The following BRD10 variants were observed in gnomAD, a reference collection of about 807,000 sequenced individuals.
BRD10 encodes bromodomain containing 10.
the BRD10 span, among the ~76,000 whole-genome samples, chr9:5,934,636 G>A: frequency 6.6e-6 from 1 of 151,944 alleles, no homozygotes; most frequent in African/African-American, 2.4e-5. Flanking sequence ...GAAGTAGTGG[G>A]ATTACAGACA....
At chr9:5,960,503 A>G in the BRD10 span, among the ~76,000 whole-genome samples, 59 of 151,790 alleles carry the variant, frequency 3.9e-4, 1 homozygote, top group African/African-American at 1.2e-3. Context: ...TGGAGGTTGC[A>G]GTGAGCAGAG....
the BRD10 span, chr9:5,908,695 C>G: frequency 6.2e-7 from 1 of 1,613,884 alleles, no homozygotes; most frequent in African/African-American, 1.3e-5. Context: ...TCACCACCAC[C>G]TTATTCACCT....
chr9:5,906,329 C>CAAA, the BRD10 span, among the ~76,000 whole-genome samples: 5 of 132,618 alleles, frequency 3.8e-5, no homozygotes, highest in South Asian at 1.2e-3. Flanking sequence ...GACTCTGTCT[C>CAAA]AAAAAAAAAA....
the BRD10 span, chr9:5,922,531 G>C: frequency 6.2e-7 from 1 of 1,613,986 alleles, no homozygotes; most frequent in South Asian, 1.1e-5. Flanking sequence ...TTCCTGGTGA[G>C]TTGACAAAAA....
chr9:5,942,415 T>A, the BRD10 span, among the ~76,000 whole-genome samples: 1 of 152,148 alleles, frequency 6.6e-6, no homozygotes, highest in East Asian at 1.9e-4. Context: ...ACATAACATA[T>A]AACATAACGT....
the BRD10 span, among the ~76,000 whole-genome samples, chr9:5,912,537 C>T: frequency 6.6e-6 from 1 of 152,146 alleles, no homozygotes; most frequent in African/African-American, 2.4e-5. Context: ...AGGGCTGTTA[C>T]TTTACATATT....
chr9:5,982,366 G>C, the BRD10 span, among the ~76,000 whole-genome samples: 7 of 152,166 alleles, frequency 4.6e-5, no homozygotes, highest in Non-Finnish European at 1.0e-4. Flanking sequence ...AGGACAGCTG[G>C]TTTGAATAGT....
the BRD10 span, among the ~76,000 whole-genome samples, chr9:5,970,578 A>G: frequency 1.3e-5 from 2 of 152,204 alleles, no homozygotes; most frequent in African/African-American, 4.8e-5. Context: ...AAAAATAGAT[A>G]AACTGGGTAT....
At chr9:5,919,740 C>CA in the BRD10 span, 1 of 1,613,244 alleles carries the variant, frequency 6.2e-7, no homozygotes. Context: ...GCAGGGAAGA[C>CA]AGACGCAGGA....
At chr9:5,949,358 A>AAAAC in the BRD10 span, among the ~76,000 whole-genome samples, 68 of 152,154 alleles carry the variant, frequency 4.5e-4, no homozygotes, top group Admixed American at 1.6e-3. Flanking sequence ...ACTCCGTCTC[A>AAAAC]AAACAAACAA....
chr9:5,883,470 T>TTG, the BRD10 span, among the ~76,000 whole-genome samples: 3 of 144,968 alleles, frequency 2.1e-5, no homozygotes, highest in African/African-American at 7.7e-5. Context: ...TTCTTTTTTT[T>TTG]TTTTTTTTTT....
chr9:5,945,904 T>TA, the BRD10 span, among the ~76,000 whole-genome samples: 8 of 151,446 alleles, frequency 5.3e-5, no homozygotes, highest in East Asian at 1.9e-4. Flanking sequence ...ATGTGATAAT[T>TA]AAAAAAAAAC....
chr9:5,897,608 C>A, the BRD10 span: 3 of 1,614,002 alleles, frequency 1.9e-6, no homozygotes, highest in Non-Finnish European at 2.5e-6. Context: ...TACTGCTCAT[C>A]GGCTGTTGGT....
chr9:5,884,907 G>A, the BRD10 span, among the ~76,000 whole-genome samples: 243 of 152,288 alleles, frequency 1.6e-3, no homozygotes, highest in African/African-American at 5.7e-3. Context: ...CTGTGCCCGT[G>A]TTCACCTGGA....
the BRD10 span, among the ~76,000 whole-genome samples, chr9:5,971,045 A>T: frequency 0.96 from 116,180 of 121,518 alleles, 55,800 homozygotes; most frequent in Non-Finnish European, 0.99. Flanking sequence ...AGAGCTAAGC[A>T]ACGTCTCAAA....
chr9:5,933,813 C>T, the BRD10 span: 3 of 471,194 alleles, frequency 6.4e-6, no homozygotes, highest in Non-Finnish European at 1.3e-5. Context: ...ACAGCACCAG[C>T]ATAACACTGG....
At chr9:5,994,822 T>C in the BRD10 span, among the ~76,000 whole-genome samples, 4 of 152,172 alleles carry the variant, frequency 2.6e-5, no homozygotes, top group Admixed American at 6.5e-5. Flanking sequence ...GGCTCAACTG[T>C]ACCTAATATG....
the BRD10 span, among the ~76,000 whole-genome samples, chr9:6,006,259 TTATTA>T: frequency 6.6e-6 from 1 of 152,214 alleles, no homozygotes; most frequent in African/African-American, 2.4e-5. Context: ...AGAAGTACTA[TTATTA>T]TCCCCGCTTG....
At chr9:5,953,889 C>G in the BRD10 span, 1 of 644,844 alleles carries the variant, frequency 1.6e-6, no homozygotes, top group Non-Finnish European at 2.7e-6. Context: ...AGAAAAGTCA[C>G]TGTCAGAAAC....
Sources: allele counts gnomAD v4.1 joint callset (sites outside exome capture counted in the v4.1 genomes callset), GRCh38; gene constraint gnomAD v4.1.1; transcripts MANE v1.5; gene names NCBI Gene and HGNC (gene_info 2026-07-23, HGNC 2026-07-21).